The following LRRIQ4 variants were observed in gnomAD, a reference collection of about 807,000 sequenced individuals.
LRRIQ4 encodes leucine rich repeats and IQ motif containing 4.
In LRRIQ4, 21 loss-of-function variants were observed where a neutral mutation model predicts 40.1. The observed-to-expected ratio is 0.52, with a 90% CI of 0.37 to 0.75. The LOEUF is 0.75. Among genes scored for constraint, LRRIQ4 ranks in the 30% least tolerant of loss-of-function variants. The probability of loss-of-function intolerance (pLI) is 0.00; values close to 1 mark genes in which losing one functional copy is unlikely to be tolerated. For synonymous variants in LRRIQ4, 277 were observed against 277.1 expected, an observed-to-expected ratio of 1.00 and a Z score of 0.00; for missense variants, 655 against 660.0, an observed-to-expected ratio of 0.99 and a Z score of 0.08.
intron 1 of LRRIQ4, among the ~76,000 whole-genome samples, chr3:169,816,603 A>G (rs1424299819): frequency 1.4e-5 from 2 of 147,598 alleles, no homozygotes; most frequent in Non-Finnish European, 3.0e-5. Flanking sequence ...CATTTTATTA[A>G]TTTTTTTGCA....
rs1291241697 is a variant in LRRIQ4, at chr3:169,837,764, T to C, written c.*133T>C. The C allele has an allele frequency of 5.2e-6, 4 of 762,016 alleles. No individual in the cohort carries two copies. Among genetic ancestry groups the C allele is most frequent in the Admixed American group, 6.8e-5 (2 of 29,212 alleles). 47.2% of individuals were successfully genotyped at this position (762,016 alleles called of 1,614,324 possible). On this transcript the variant is annotated 3_prime_UTR_variant, in exon 6 of 6. Transcript: ENST00000340806. ...TGTGTAAAAATAAATGATTCTTACTTTTACTGAAATATTTATGGATAAAAT... is the reference window on the plus strand; with the variant it reads ...TGTGTAAAAATAAATGATTCTTACTCTTACTGAAATATTTATGGATAAAAT...
intron 5 of LRRIQ4, among the ~76,000 whole-genome samples, chr3:169,837,274 G>C (rs1020073453): frequency 2.6e-5 from 4 of 152,166 alleles, no homozygotes; most frequent in African/African-American, 7.2e-5. Flanking sequence ...ACAGGCACTG[G>C]CACATAAAAA....
intron 4 of LRRIQ4, 116 bp downstream of exon 4, chr3:169,830,746 T>A: frequency 8.0e-7 from 1 of 1,248,406 alleles, no homozygotes; most frequent in Non-Finnish European, 1.1e-6. Context: ...ACTGAGTCTA[T>A]CCCATTACTT....
chr3:169,826,478 C>T (rs1047627042), intron 2 of LRRIQ4, among the ~76,000 whole-genome samples: 1 of 151,996 alleles, frequency 6.6e-6, no homozygotes, highest in African/African-American at 2.4e-5. Flanking sequence ...ACAGTGTCAT[C>T]AGTAATTGTC....
intron 5 of LRRIQ4, among the ~76,000 whole-genome samples, chr3:169,834,596 T>C (rs1419606972): frequency 1.3e-5 from 2 of 152,210 alleles, no homozygotes; most frequent in African/African-American, 4.8e-5. Flanking sequence ...TAGATCAATA[T>C]TTTAAATGTA....
intron 1 of LRRIQ4, among the ~76,000 whole-genome samples, chr3:169,815,835 C>G (rs1004155138): frequency 6.6e-5 from 10 of 152,110 alleles, no homozygotes; most frequent in Non-Finnish European, 1.0e-4. Flanking sequence ...TTATTGAGGG[C>G]TTTTATCATG....
chr3:169,825,295 T>C (rs1479420344), intron 2 of LRRIQ4, among the ~76,000 whole-genome samples: 1 of 152,224 alleles, frequency 6.6e-6, no homozygotes, highest in Non-Finnish European at 1.5e-5. Context: ...CGTGAGCCAC[T>C]GTGCCCGGCT....
intron 1 of LRRIQ4, among the ~76,000 whole-genome samples, chr3:169,815,844 T>C (rs1258540409): frequency 6.6e-6 from 1 of 152,266 alleles, no homozygotes; most frequent in African/African-American, 2.4e-5. Flanking sequence ...GCTTTTATCA[T>C]GAAGTGATGT....
At chr3:169,833,882 CCT>C (rs776814519) in intron 5 of LRRIQ4, among the ~76,000 whole-genome samples, 4 of 152,136 alleles carry the variant, frequency 2.6e-5, no homozygotes, top group Admixed American at 6.6e-5. Context: ...CGTAAAACCC[CCT>C]CTCAATAGCC....
chr3:169,828,644 G>A, intron 2 of LRRIQ4, 115 bp from the exon 3 acceptor site: 1 of 827,780 alleles, frequency 1.2e-6, no homozygotes, highest in Non-Finnish European at 1.9e-6. Context: ...TCACTAGTAG[G>A]AGAGGCTAAG....
At position 169,831,706 on chromosome 3, in the gene LRRIQ4, C is replaced by A. The variant is rs185324828; in HGVS notation, c.1333+1076C>A. The stretch of plus-strand genomic sequence containing the variant: ...GGGGCAAGGCCAGGCGCGGTGCTCA[C>A]GCCTGTAATCTCATCACTTTGGGAC... On this transcript the variant is annotated intron_variant, in intron 4 of 5. Coordinates refer to ENST00000340806, the MANE Select transcript of LRRIQ4 (RefSeq NM_001080460.3). 1.2e-3 allele frequency among the ~76,000 whole-genome samples: 185 copies of A among 151,186 alleles called. 2 individuals are homozygous for A. The East Asian group carries it at 0.033, about 27-fold the overall frequency.
intron 4 of LRRIQ4, among the ~76,000 whole-genome samples, chr3:169,831,431 G>A (rs1169597548): frequency 7.2e-5 from 8 of 111,390 alleles, no homozygotes; most frequent in African/African-American, 2.1e-4. Context: ...CCGCCACCAC[G>A]CCCGGCTAAT....
chr3:169,823,004 G>C, intron 2 of LRRIQ4, 63 bp downstream of exon 2: 1 of 1,391,910 alleles, frequency 7.2e-7, no homozygotes, highest in Non-Finnish European at 9.5e-7. Flanking sequence ...CCCTAAGTTG[G>C]TTCTGTATCT....
At chr3:169,834,776 T>C (rs1780268769) in intron 5 of LRRIQ4, among the ~76,000 whole-genome samples, 1 of 152,274 alleles carries the variant, frequency 6.6e-6, no homozygotes, top group Middle Eastern at 3.4e-3. Context: ...TGTATACACA[T>C]ATAAGTCTTT....
At position 169,822,629 on chromosome 3, in the gene LRRIQ4, G is replaced by T; in HGVS notation, c.708G>T (p.Leu236=). The change falls in exon 2 of 6, where the codon CTG becomes CTT. Residue 236 remains leucine (L), a synonymous_variant. Transcript: ENST00000340806. The part of the protein sequence containing the change: ...LPASLCQCSQ[L]SVLDLSHNLL... ...CGTCCTTGTGCCAGTGTAGCCAACTGTCGGTGCTCGATTTATCCCACAACC... is the reference window on the plus strand; with the variant it reads ...CGTCCTTGTGCCAGTGTAGCCAACTTTCGGTGCTCGATTTATCCCACAACC... The T allele has an allele frequency of 4.3e-6, 7 of 1,613,926 alleles. No homozygotes were observed. Among genetic ancestry groups the T allele is most frequent in the Non-Finnish European group, 5.9e-6 (7 of 1,179,862 alleles).
intron 1 of LRRIQ4, among the ~76,000 whole-genome samples, chr3:169,815,695 G>T (rs1293591354): frequency 6.6e-6 from 1 of 152,186 alleles, no homozygotes; most frequent in Non-Finnish European, 1.5e-5. Flanking sequence ...AGTGGTTAAA[G>T]TGGGCATCCT....
chr3:169,824,735 A>G (rs1429580379), intron 2 of LRRIQ4, among the ~76,000 whole-genome samples: 1 of 151,324 alleles, frequency 6.6e-6, no homozygotes. Context: ...CTGGTCTCAA[A>G]CTCCTGGCTT....
In LRRIQ4 at chr3:169,822,185, G is replaced by T. The variant is rs759764903; in HGVS notation, c.264G>T (p.Pro88=). The T allele has an allele frequency of 6.2e-7, 1 of 1,604,980 alleles. No individual in the cohort carries two copies. Among genetic ancestry groups the T allele is most frequent in the South Asian group, 1.1e-5 (1 of 89,344 alleles). ...AGAACAACCTGAGGAGCCTGTGCCC[G>T]GCGCTGGGGCTGCTGAGCAGCCTGG... ...LDKNNLRSLC[P]ALGLLSSLES... The change falls in exon 2 of 6, where the codon CCG becomes CCT. Residue 88 remains proline, a synonymous_variant. Coordinates refer to ENST00000340806, the MANE Select transcript of LRRIQ4 (RefSeq NM_001080460.3).
intron 1 of LRRIQ4, among the ~76,000 whole-genome samples, chr3:169,821,125 G>A (rs958948229): frequency 6.6e-6 from 1 of 152,082 alleles, no homozygotes; most frequent in African/African-American, 2.4e-5. Flanking sequence ...ATTTAGAAAA[G>A]GTTGGTGCAT....
Sources: gnomAD v4.1 joint callset for allele counts (sites outside exome capture counted in the v4.1 genomes callset) on GRCh38, gnomAD v4.1.1 for gene constraint, MANE v1.5 for transcripts, NCBI Gene and HGNC (gene_info 2026-07-23, HGNC 2026-07-21) for gene names.